HIRA: variants seen among roughly 807,000 people sequenced by gnomAD.
HIRA encodes the protein protein HIRA.
Under a neutral mutation model 126.6 loss-of-function variants are expected in HIRA, and 13 were observed. That is an observed-to-expected ratio of 0.10 (90% CI 0.07 to 0.16). The LOEUF is 0.16. HIRA is among the 10% of genes least tolerant of loss of function. The pLI is 1.00. For synonymous variants in HIRA, 511 were observed against 520.0 expected (o/e 0.98, Z 0.24); for missense variants, 834 against 1,314.4 (o/e 0.63, Z 5.65).
At chr22:19,393,916 A>G (rs1251125597) in intron 8 of HIRA, among the ~76,000 whole-genome samples, 1 of 152,224 alleles carries the variant, frequency 6.6e-6, no homozygotes, top group Non-Finnish European at 1.5e-5. Flanking sequence ...AAGGACTGAC[A>G]GCAGTTCACG....
chr22:19,354,663 TAC>T (rs2088793020), intron 21 of HIRA, among the ~76,000 whole-genome samples: 1 of 152,246 alleles, frequency 6.6e-6, no homozygotes, highest in South Asian at 2.1e-4. Flanking sequence ...CAAAGATGCC[TAC>T]AGAGAGTCAA....
intron 17 of HIRA, among the ~76,000 whole-genome samples, chr22:19,359,849 A>G (rs1231149939): frequency 6.6e-6 from 1 of 152,224 alleles, no homozygotes; most frequent in African/African-American, 2.4e-5. Context: ...CCGAGCTGGG[A>G]GTGAGACTTG....
In HIRA at chr22:19,331,234, T is replaced by G; in HGVS notation, c.*206A>C. ...CGCATCGGGGGCTTGGAGGGAGGGATGAGCTTCCCCCTCCTGAGGCAATGT... is the reference window on the plus strand; with the variant it reads ...CGCATCGGGGGCTTGGAGGGAGGGAGGAGCTTCCCCCTCCTGAGGCAATGT... On this transcript the variant is annotated 3_prime_UTR_variant, in exon 25 of 25. Transcript: ENST00000263208. The G allele has an allele frequency of 2.7e-6, 4 of 1,489,494 alleles. No homozygotes were observed. Among genetic ancestry groups the G allele is most frequent in the Non-Finnish European group, 3.6e-6 (4 of 1,116,992 alleles). 92.3% of individuals were successfully genotyped at this position (1,489,494 alleles called of 1,614,324 possible). A position where few individuals can be genotyped will look rare whatever the true frequency, so the allele number is the denominator to read the frequency against.
chr22:19,354,448 A>C (rs556112204), intron 21 of HIRA, among the ~76,000 whole-genome samples: 35 of 152,214 alleles, frequency 2.3e-4, no homozygotes, highest in Non-Finnish European at 4.8e-4. Context: ...TGCTCAGCTC[A>C]AACACTGCCA....
intron 4 of HIRA, 91 bp from the exon 5 acceptor site, chr22:19,405,971 G>A: frequency 1.3e-6 from 1 of 766,104 alleles, no homozygotes. Context: ...AGGGCACACA[G>A]AACAAAGCAA....
chr22:19,379,454 G>A (rs1256852617), intron 13 of HIRA, among the ~76,000 whole-genome samples: 2 of 150,412 alleles, frequency 1.3e-5, no homozygotes, highest in Non-Finnish European at 3.0e-5. Context: ...GTGAAACCCC[G>A]TCTCCACTAA....
At chr22:19,389,717 T>C (rs933530307) in intron 9 of HIRA, among the ~76,000 whole-genome samples, 1 of 151,938 alleles carries the variant, frequency 6.6e-6, no homozygotes, top group African/African-American at 2.4e-5. Flanking sequence ...CTAAGAAATA[T>C]GGGCATCACA....
chr22:19,392,165 G>A lies in HIRA; in HGVS notation c.872C>T (p.Ala291Val), dbSNP rs750582371. Residue 291 changes from alanine to valine, a missense_variant, in exon 9 of 25, where the codon GCG becomes GTG. Coordinates refer to ENST00000263208, the MANE Select transcript of HIRA (RefSeq NM_003325.4). ...FKKKQKNGSS[A>V]KPSCPYCCCA... The stretch of plus-strand genomic sequence containing the variant: ...GCAGCAGTACGGGCAGCTAGGCTTC[G>A]CAGAACTCCCATTCTTCTGCTTCTT... 8.1e-6 allele frequency: 13 copies of A among 1,608,390 alleles called. No homozygotes were observed. Among genetic ancestry groups the A allele is most frequent in the African/African-American group, 1.3e-5 (1 of 74,880 alleles).
chr22:19,373,490 C>G (rs1286594574), intron 15 of HIRA, among the ~76,000 whole-genome samples: 3 of 152,098 alleles, frequency 2.0e-5, no homozygotes, highest in Non-Finnish European at 4.4e-5. Context: ...TGCTGTACAC[C>G]CTGGCCCAAG....
At position 19,410,293 on chromosome 22, in the gene HIRA, C is replaced by T. The variant is rs370008701; in HGVS notation, c.100+423G>A. Among the ~76,000 whole-genome samples, 63 of 152,270 alleles carry T rather than the reference C, an allele frequency of 4.1e-4. 1 individual carries two copies. Among genetic ancestry groups the T allele is most frequent in the Admixed American group, 2.4e-3 (36 of 15,294 alleles). ...CTTTAACCTAACTGAATTCCTTTGA[C>T]GAGAAAATGGGCCTAATAACTACAC... On this transcript the variant is annotated intron_variant, in intron 2 of 24. Transcript: ENST00000263208.
rs527424097 is a variant in HIRA at position 19,400,381 on chromosome 22, G to A, written c.398-2294C>T. Reference sequence around the variant, plus strand: ...TTAACAGTTACTATGCTCCATGTGAGGAAGAATCCATTTTGATAAGCGATG... The same window carrying A: ...TTAACAGTTACTATGCTCCATGTGAAGAAGAATCCATTTTGATAAGCGATG... On this transcript the variant is annotated intron_variant, in intron 5 of 24. Coordinates refer to ENST00000263208, the MANE Select transcript of HIRA (RefSeq NM_003325.4). Among the ~76,000 whole-genome samples the A allele has an allele frequency of 6.4e-4, 97 of 152,264 alleles. 2 individuals carry two copies. In the South Asian group the frequency reaches 0.02, roughly 31 times the overall value.
At chr22:19,393,191 A>C (rs5993624) in intron 8 of HIRA, among the ~76,000 whole-genome samples, 29,769 of 152,038 alleles carry the variant, frequency 0.2, 5,840 homozygotes, top group African/African-American at 0.49. Flanking sequence ...GCATGGGAGA[A>C]TCACGTAGAG....
At chr22:19,358,772 G>C (rs1178103029) in intron 18 of HIRA, among the ~76,000 whole-genome samples, 1 of 152,192 alleles carries the variant, frequency 6.6e-6, no homozygotes, top group Non-Finnish European at 1.5e-5. Context: ...ACAGGAACCT[G>C]AGGAGAAACA....
intron 15 of HIRA, among the ~76,000 whole-genome samples, chr22:19,362,303 T>A (rs531688124): frequency 6.6e-6 from 1 of 152,290 alleles, no homozygotes; most frequent in East Asian, 1.9e-4. Flanking sequence ...AGAGACAACT[T>A]TCTGTTCAAA....
chr22:19,384,946 G>T (rs977541686), intron 12 of HIRA, among the ~76,000 whole-genome samples: 3 of 151,980 alleles, frequency 2.0e-5, no homozygotes, highest in Admixed American at 1.3e-4. Flanking sequence ...GAGCCACTGC[G>T]CCTGGCCTGA....
rs544330511 is a variant in HIRA at position 19,427,037 on chromosome 22, C to T, written c.37+4403G>A. 2.5e-3 allele frequency among the ~76,000 whole-genome samples: 383 copies of T among 152,274 alleles called. 2 individuals are homozygous for T. Among genetic ancestry groups the T allele is most frequent in the South Asian group, 3.9e-3 (19 of 4,824 alleles). On this transcript the variant is annotated intron_variant, in intron 1 of 24. Coordinates refer to ENST00000263208, the MANE Select transcript of HIRA (RefSeq NM_003325.4). ...GTCCTCAAGAAACTTACAGTCTAGTCGGAACTGTAAGACAAATACACCAAA... is the reference window on the plus strand; with the variant it reads ...GTCCTCAAGAAACTTACAGTCTAGTTGGAACTGTAAGACAAATACACCAAA...
intron 1 of HIRA, among the ~76,000 whole-genome samples, chr22:19,427,829 A>G (rs1379665777): frequency 6.6e-6 from 1 of 152,234 alleles, no homozygotes; most frequent in African/African-American, 2.4e-5. Context: ...TTTTCTAAAC[A>G]TACAAACTCC....
intron 21 of HIRA, 22 bp downstream of exon 21, chr22:19,355,738 G>T: frequency 6.5e-7 from 1 of 1,537,592 alleles, no homozygotes; most frequent in Non-Finnish European, 9.0e-7. Flanking sequence ...CAGGGAATAG[G>T]ACTGGGGGTC....
chr22:19,333,517 C>T (rs1240617119), intron 24 of HIRA, among the ~76,000 whole-genome samples: 6 of 152,138 alleles, frequency 3.9e-5, no homozygotes, highest in Non-Finnish European at 8.8e-5. Flanking sequence ...ATGAGATTTT[C>T]TTTGTCTTTC....
Sources: allele counts gnomAD v4.1 joint callset (sites outside exome capture counted in the v4.1 genomes callset), GRCh38; gene constraint gnomAD v4.1.1; transcripts MANE v1.5; gene names NCBI Gene and HGNC (gene_info 2026-07-23, HGNC 2026-07-21).